Variants in ZNF600 observed in about 807,000 individuals in gnomAD.
ZNF600 encodes the protein zinc finger protein 600.
In ZNF600, 4 loss-of-function variants were observed where a neutral mutation model predicts 7.3. The observed-to-expected ratio is 0.55, with a 90% CI of 0.27 to 1.25. ZNF600 has a LOEUF of 1.25. Among genes scored for constraint, ZNF600 ranks in the 50% most tolerant of loss-of-function variants. The pLI is 0.12. For missense variants in ZNF600, 911 were observed against 922.1 expected (o/e 0.99, Z 0.16); for synonymous variants, 290 against 308.9 (o/e 0.94, Z 0.64).
chr19:52,795,835 G>C, the ZNF600 span, among the ~76,000 whole-genome samples: 4 of 151,338 alleles, frequency 2.6e-5, no homozygotes, highest in Admixed American at 2.6e-4. Flanking sequence ...CAAAGTGCTG[G>C]GATTACAGGT....
chr19:52,779,928 A>G (rs2062706945), intron 1 of ZNF600, among the ~76,000 whole-genome samples: 1 of 152,168 alleles, frequency 6.6e-6, no homozygotes, highest in Admixed American at 6.5e-5. Flanking sequence ...AGGCAGGAGA[A>G]TCACTTGAAC....
the ZNF600 span, among the ~76,000 whole-genome samples, chr19:52,792,142 G>A: frequency 1.3e-5 from 2 of 152,198 alleles, no homozygotes; most frequent in African/African-American, 2.4e-5. Context: ...ACAGCCCCAC[G>A]TTCAGGCTCT....
At chr19:52,774,580 G>T in exon 3 of ZNF600, 1 of 984,746 alleles carries the variant, frequency 1.0e-6, no homozygotes, top group Non-Finnish European at 1.2e-6. Context: ...CTCACCCACA[G>T]CTTCCAGGTT....
At chr19:52,815,878 A>G in the ZNF600 span, among the ~76,000 whole-genome samples, 10 of 147,304 alleles carry the variant, frequency 6.8e-5, 1 homozygote, top group African/African-American at 2.6e-4. Flanking sequence ...TGATGAAATA[A>G]TTGGTACAAC....
chr19:52,786,911 A>C (rs570568005), upstream of ZNF600: 1,049 of 164,766 alleles, frequency 6.4e-3, 15 homozygotes, highest in Non-Finnish European at 6.5e-3. Flanking sequence ...TGTGCTTCTC[A>C]GCCTCGCACT....
At chr19:52,801,599 A>C in the ZNF600 span, 3 of 1,614,062 alleles carry the variant, frequency 1.9e-6, no homozygotes, top group African/African-American at 4.0e-5. Flanking sequence ...AAAAATCTCC[A>C]ATGTGATGAC....
At chr19:52,822,074 C>CTTTTTTTTTTTTTTTTTTTTTT in the ZNF600 span, among the ~76,000 whole-genome samples, 8 of 78,686 alleles carry the variant, frequency 1.0e-4, no homozygotes, top group Admixed American at 1.6e-4. Flanking sequence ...TTCTTTTTCC[C>CTTTTTTTTTTTTTTTTTTTTTT]TTTTTTTTTT....
the ZNF600 span, among the ~76,000 whole-genome samples, chr19:52,833,075 A>G: frequency 5.6e-4 from 86 of 152,268 alleles, 1 homozygote; most frequent in South Asian, 0.016. Context: ...CCAGACCAAC[A>G]TCCTGTCTAC....
At chr19:52,808,000 T>C in the ZNF600 span, 1 of 1,613,068 alleles carries the variant, frequency 6.2e-7, no homozygotes, top group Non-Finnish European at 8.5e-7. Flanking sequence ...CAGGAGGTTA[T>C]CCTCACCCAG....
chr19:52,802,854 G>A, the ZNF600 span, among the ~76,000 whole-genome samples: 30 of 149,342 alleles, frequency 2.0e-4, no homozygotes, highest in Non-Finnish European at 3.7e-4. Context: ...TCCACCTCCC[G>A]GGTTCACGCC....
chr19:52,766,378 G>GTA lies in ZNF600; in HGVS notation c.1584_1585insTA (p.His529TyrfsTer4). 2.5e-6 allele frequency: 4 copies of GTA among 1,614,112 alleles called. No homozygotes were observed. The highest frequency in any genetic ancestry group is 3.4e-6 in the Non-Finnish European group (4 of 1,180,030). ...TTCTCTCCGGTGTGAATTATCTTAT[G>GTA]TGTCTCAAGGGTTGATCCACAACTG... is the stretch of plus-strand genomic sequence containing the variant. On this transcript the variant is annotated frameshift_variant, in exon 4 of 4. Coordinates refer to ENST00000648973, the Ensembl canonical transcript of ZNF600. LOFTEE classifies it low-confidence loss of function (END_TRUNC).
the ZNF600 span, chr19:52,817,825 G>T: frequency 6.4e-7 from 1 of 1,563,328 alleles, no homozygotes. Flanking sequence ...GAAGGCATGG[G>T]TGAGGGTGAG....
the ZNF600 span, among the ~76,000 whole-genome samples, chr19:52,829,893 A>G: frequency 6.6e-6 from 1 of 152,146 alleles, no homozygotes; most frequent in African/African-American, 2.4e-5. Flanking sequence ...CTGAAGGCTG[A>G]CAACTCTTAT....
chr19:52,786,673 G>A (rs1053366595), exon 1 of ZNF600: 2 of 228,540 alleles, frequency 8.8e-6, no homozygotes, highest in South Asian at 4.2e-5. Flanking sequence ...CGTCCCAGGG[G>A]CAGAAGCGCC....
At chr19:52,775,936 G>A (rs927472830) in intron 2 of ZNF600, among the ~76,000 whole-genome samples, 2 of 151,872 alleles carry the variant, frequency 1.3e-5, no homozygotes, top group African/African-American at 4.8e-5. Context: ...AAACTGGGAG[G>A]TGGAGGATGC....
chr19:52,800,613 T>C, the ZNF600 span: 1 of 1,614,018 alleles, frequency 6.2e-7, no homozygotes, highest in Non-Finnish European at 8.5e-7. Flanking sequence ...CTTACATTTG[T>C]ATGGTTTCTC....
the ZNF600 span, among the ~76,000 whole-genome samples, chr19:52,795,752 G>A: frequency 1.3e-5 from 2 of 152,058 alleles, no homozygotes; most frequent in African/African-American, 4.8e-5. Flanking sequence ...TTTTAGTCAA[G>A]ACGAGGATTC....
At chr19:52,787,401 C>CTTTTTTTTT (rs1167453014), upstream of ZNF600, among the ~76,000 whole-genome samples, 5 of 114,834 alleles carry the variant, frequency 4.4e-5, no homozygotes, top group Non-Finnish European at 7.1e-5. Flanking sequence ...CGCTCTTTTA[C>CTTTTTTTTT]TTTTTTTTTT....
chr19:52,826,583 G>A, the ZNF600 span, among the ~76,000 whole-genome samples: 1 of 152,086 alleles, frequency 6.6e-6, no homozygotes, highest in Non-Finnish European at 1.5e-5. Flanking sequence ...GTGCATGCCT[G>A]TAGTCCCAGC....
Sources: allele counts gnomAD v4.1 joint callset (sites outside exome capture counted in the v4.1 genomes callset), GRCh38; gene constraint gnomAD v4.1.1; transcripts MANE v1.5; gene names NCBI Gene and HGNC (gene_info 2026-07-23, HGNC 2026-07-21).